SEMA4F: variants seen among roughly 807,000 people sequenced by gnomAD.
SEMA4F encodes semaphorin-4F.
SEMA4F carries 51 observed loss-of-function variants against 78.4 expected under a neutral mutation model. The observed-to-expected ratio is 0.65, with a 90% CI of 0.52 to 0.82. The LOEUF (loss-of-function observed/expected upper bound fraction) is 0.82. Among genes scored for constraint, SEMA4F ranks in the 40% least tolerant of loss-of-function variants. SEMA4F has a pLI of 0.00. For missense variants in SEMA4F, 938 were observed against 1,014.4 expected (o/e 0.92, Z 1.02); for synonymous variants, 418 against 408.7 (o/e 1.02, Z -0.27).
At position 74,675,648 on chromosome 2, in the gene SEMA4F, T is replaced by G; in HGVS notation, c.1482+14T>G. The stretch of plus-strand genomic sequence containing the variant: ...AAATTGTACCACGTGAGTTGTAGAT[T>G]TTGGAGAGTCTATTGGGGAGACATC... On this transcript the variant is annotated intron_variant, in intron 11 of 13. Coordinates refer to ENST00000357877, the MANE Select transcript of SEMA4F (RefSeq NM_004263.5). 1 of 1,613,634 alleles carries G rather than the reference T, an allele frequency of 6.2e-7. No individual in the cohort carries two copies. Among genetic ancestry groups the G allele is most frequent in the Non-Finnish European group, 8.5e-7 (1 of 1,179,580 alleles).
Position 74,682,057 on chromosome 2 carries a change from A to G in SEMA4F, c.*1848A>G, listed in dbSNP as rs1274136454. On this transcript the variant is annotated 3_prime_UTR_variant, in exon 14 of 14. Coordinates refer to ENST00000357877, the MANE Select transcript of SEMA4F (RefSeq NM_004263.5). ...CAACAATAAAGACCTGTCTGTACCAATAGATGTTGTTATTGCAAAAATGGG... is the reference window on the plus strand; with the variant it reads ...CAACAATAAAGACCTGTCTGTACCAGTAGATGTTGTTATTGCAAAAATGGG... 2 of 152,264 alleles carry G rather than the reference A, an allele frequency of 1.3e-5. No individual in the cohort carries two copies. Among genetic ancestry groups the G allele is most frequent in the African/African-American group, 4.8e-5 (2 of 41,460 alleles). 9.4% of individuals were successfully genotyped at this position (152,264 alleles called of 1,614,324 possible).
rs1189864416 is a variant in SEMA4F, at chr2:74,679,884, T to G, written c.1988T>G (p.Leu663Arg). ...PSRAHTVGAG[L>R]AGFFLGILAA... ...CGGGCCCACACAGTGGGGGCGGGAC[T>G]GGCTGGCTTCTTCTTGGGGATTCTC... Residue 663 changes from leucine (L) to arginine (R), a missense_variant, in exon 14 of 14, where the codon CTG becomes CGG. Leu to Arg is a moderately radical substitution (Grantham distance 102). Transcript: ENST00000357877. 1.9e-6 allele frequency: 3 copies of G among 1,614,222 alleles called. No homozygotes were observed. The highest frequency in any genetic ancestry group is 2.5e-6 in the Non-Finnish European group (3 of 1,180,028).
chr2:74,657,527 G>C, intron 2 of SEMA4F, 38 bp from the exon 3 acceptor site: 14 of 1,601,000 alleles, frequency 8.7e-6, no homozygotes, highest in Non-Finnish European at 1.2e-5. Flanking sequence ...TTTGATGTTA[G>C]GGGAATCTGG....
intron 5 of SEMA4F, among the ~76,000 whole-genome samples, chr2:74,671,166 T>A (rs958980119): frequency 1.3e-5 from 2 of 152,202 alleles, no homozygotes; most frequent in Non-Finnish European, 2.9e-5. Flanking sequence ...ACCCAAGTCT[T>A]CCTGGCTCCC....
At chr2:74,663,341 G>A (rs1039114046) in intron 5 of SEMA4F, among the ~76,000 whole-genome samples, 14 of 152,160 alleles carry the variant, frequency 9.2e-5, no homozygotes, top group Middle Eastern at 3.2e-3. Context: ...TTAATTTTAC[G>A]TAAATAGGCC....
intron 5 of SEMA4F, among the ~76,000 whole-genome samples, chr2:74,668,242 C>T (rs978603108): frequency 6.6e-6 from 1 of 152,170 alleles, no homozygotes; most frequent in African/African-American, 2.4e-5. Flanking sequence ...GGTGTCATTG[C>T]ATCTTGTGAT....
intron 5 of SEMA4F, 146 bp from the exon 6 acceptor site, chr2:74,673,311 C>A: frequency 1.1e-6 from 1 of 925,542 alleles, no homozygotes; most frequent in Non-Finnish European, 1.6e-6. Flanking sequence ...GCAATAATGC[C>A]TGTGATGTGC....
rs188906269 is a variant in SEMA4F at position 74,679,940 on chromosome 2, C to T, written c.2044C>T (p.Arg682Trp). The T allele has an allele frequency of 1.7e-5, 28 of 1,614,136 alleles. No individual in the cohort carries two copies. The highest frequency in any genetic ancestry group is 8.8e-5 in the South Asian group (8 of 91,074). Residue 682 changes from arginine (R) to tryptophan (W), a missense_variant, in exon 14 of 14, where the codon CGG (arginine) becomes TGG (tryptophan). By Grantham distance (101) the Arg-to-Trp change is moderately radical. Transcript: ENST00000357877. The part of the protein sequence containing the change: ...AASLTLILIG[R>W]RQQRRRQREL... ...ATCCCTGACTCTCATTCTGATTGGTCGGCGTCAGCAGCGACGGCGACAGAG... is the reference window on the plus strand; with the variant it reads ...ATCCCTGACTCTCATTCTGATTGGTTGGCGTCAGCAGCGACGGCGACAGAG...
chr2:74,664,736 A>T (rs763628754), intron 5 of SEMA4F, among the ~76,000 whole-genome samples: 9 of 152,116 alleles, frequency 5.9e-5, no homozygotes, highest in Admixed American at 2.0e-4. Context: ...AATGTTCTTC[A>T]TGTTTTAGTA....
intron 1 of SEMA4F, among the ~76,000 whole-genome samples, chr2:74,654,808 C>T (rs1558714636): frequency 1.3e-5 from 2 of 152,210 alleles, no homozygotes; most frequent in Non-Finnish European, 2.9e-5. Context: ...GCCGCAGGAG[C>T]GTCCAGTCCT....
In SEMA4F at chr2:74,673,556, C is replaced by T; in HGVS notation, c.650C>T (p.Thr217Ile). The change falls in exon 6 of 14, where the codon ACC (threonine) becomes ATC (isoleucine). Residue 217 changes from threonine (T) to isoleucine (I), a missense_variant. By Grantham distance (89) the Thr-to-Ile change is moderately conservative. Coordinates refer to ENST00000357877, the MANE Select transcript of SEMA4F (RefSeq NM_004263.5). ...GCCGAGGACTGGATTCGGACAGATACCTTGCCTTCCTGGCTGAACGGTGGG... is the reference window on the plus strand; with the variant it reads ...GCCGAGGACTGGATTCGGACAGATATCTTGCCTTCCTGGCTGAACGGTGGG... Reference protein sequence around the residue: ...GRAEDWIRTDTLPSWLNAPAF... With the variant: ...GRAEDWIRTDILPSWLNAPAF... 6.2e-7 allele frequency: 1 copy of T among 1,614,144 alleles called. No individual in the cohort carries two copies. Among genetic ancestry groups the T allele is most frequent in the Non-Finnish European group, 8.5e-7 (1 of 1,180,036 alleles).
chr2:74,685,529 C>T (rs953468411), downstream of SEMA4F, among the ~76,000 whole-genome samples: 2 of 151,986 alleles, frequency 1.3e-5, no homozygotes, highest in Non-Finnish European at 1.5e-5. Flanking sequence ...AGCTCCAATC[C>T]GGGAATCCCA....
At chr2:74,701,280 T>G in the SEMA4F span, among the ~76,000 whole-genome samples, 1 of 152,164 alleles carries the variant, frequency 6.6e-6, no homozygotes, top group African/African-American at 2.4e-5. Context: ...TTTCCCTTCC[T>G]TCCTTACCCA....
the SEMA4F span, among the ~76,000 whole-genome samples, chr2:74,691,293 C>G: frequency 1.3e-5 from 2 of 152,200 alleles, no homozygotes; most frequent in African/African-American, 4.8e-5. Flanking sequence ...GACCATGCTG[C>G]TCACGTACTG....
chr2:74,703,415 A>G, the SEMA4F span, among the ~76,000 whole-genome samples: 3 of 152,238 alleles, frequency 2.0e-5, no homozygotes, highest in African/African-American at 7.2e-5. Context: ...ATGCAGCCCA[A>G]GGACTTGTTG....
chr2:74,693,270 A>G, the SEMA4F span, among the ~76,000 whole-genome samples: 1 of 152,252 alleles, frequency 6.6e-6, no homozygotes, highest in African/African-American at 2.4e-5. Context: ...ATTGATTAAC[A>G]TCACATCATT....
Position 74,674,596 on chromosome 2 carries a change from T to A in SEMA4F, c.921T>A (p.Ser307Arg). 1 of 1,614,118 alleles carries A rather than the reference T, an allele frequency of 6.2e-7. No individual in the cohort carries two copies. The highest frequency in any genetic ancestry group is 8.5e-7 in the Non-Finnish European group (1 of 1,180,014). ...CPGPEHGRAS[S>R]VLQDVAVLRP... Reference sequence around the variant, plus strand: ...GGCCTGAGCATGGCCGGGCCTCCAGTGTCCTGCAGGATGTTGCTGTGCTTC... The same window carrying A: ...GGCCTGAGCATGGCCGGGCCTCCAGAGTCCTGCAGGATGTTGCTGTGCTTC... Residue 307 changes from serine to arginine, a missense_variant, in exon 8 of 14, where the codon AGT (serine) becomes AGA (arginine). Physicochemically the swap from Ser to Arg is moderately radical, Grantham distance 110 (BLOSUM62 -1). Transcript: ENST00000357877.
chr2:74,704,019 T>C, the SEMA4F span, among the ~76,000 whole-genome samples: 4 of 152,080 alleles, frequency 2.6e-5, no homozygotes. Context: ...CATTTTAGAT[T>C]AGACTGCACA....
intron 12 of SEMA4F, among the ~76,000 whole-genome samples, chr2:74,678,922 C>T (rs1458149128): frequency 5.3e-5 from 8 of 151,816 alleles, no homozygotes. Flanking sequence ...AGTTTTTATC[C>T]TTTTTTTTCC....
Sources: gnomAD v4.1 joint callset for allele counts (sites outside exome capture counted in the v4.1 genomes callset) on GRCh38, gnomAD v4.1.1 for gene constraint, MANE v1.5 for transcripts, NCBI Gene and HGNC (gene_info 2026-07-23, HGNC 2026-07-21) for gene names.